The following GRK6 variants were observed in gnomAD, a reference collection of about 807,000 sequenced individuals.
GRK6 encodes the protein G protein-coupled receptor kinase 6.
GRK6 carries 37 observed loss-of-function variants against 80.8 expected under a neutral mutation model. The observed-to-expected ratio is 0.46, with a 90% confidence interval of 0.35 to 0.60. The LOEUF is 0.60. Among genes scored for constraint, GRK6 ranks in the 20% least tolerant of loss-of-function variants. The pLI is 0.00. For missense variants in GRK6, 560 were observed against 784.6 expected (o/e 0.71, Z 3.42); for synonymous variants, 295 against 320.9 (o/e 0.92, Z 0.86).
intron 4 of GRK6, 69 bp from the exon 5 acceptor site, chr5:177,432,637 C>T: frequency 8.9e-7 from 1 of 1,117,504 alleles, no homozygotes. Flanking sequence ...TTGCCTGACC[C>T]CTCTCCCCTG....
At chr5:177,434,835 G>A (rs1764070251) in intron 9 of GRK6, 67 bp from the exon 10 acceptor site, 2 of 1,586,242 alleles carry the variant, frequency 1.3e-6, no homozygotes, top group Admixed American at 3.3e-5. Context: ...GTGAGCTGGG[G>A]GGGCTGGCCC....
chr5:177,433,986 C>A lies in GRK6; in HGVS notation c.811C>A (p.Leu271Ile), dbSNP rs985885225. The A allele has an allele frequency of 2.5e-6, 4 of 1,612,948 alleles. No individual in the cohort carries two copies. Among genetic ancestry groups the A allele is most frequent in the Non-Finnish European group, 2.5e-6 (3 of 1,179,440 alleles). Reference sequence around the variant, plus strand: ...GCTGACACTGATGAACGGGGGCGACCTCAAGTTCCACATCTACCACATGGG... The same window carrying A: ...GCTGACACTGATGAACGGGGGCGACATCAAGTTCCACATCTACCACATGGG... The part of the protein sequence containing the change: ...LVLTLMNGGD[L>I]KFHIYHMGQA... The change falls in exon 9 of 16, where the codon CTC becomes ATC. Residue 271 changes from leucine (L) to isoleucine (I), a missense_variant. Physicochemically the swap from Leu to Ile is conservative, Grantham distance 5. Coordinates refer to ENST00000355472, the MANE Select transcript of GRK6 (RefSeq NM_001004106.3).
intron 11 of GRK6, 68 bp from the exon 12 acceptor site, chr5:177,436,005 C>A: frequency 7.3e-7 from 1 of 1,368,086 alleles, no homozygotes; most frequent in African/African-American, 1.4e-5. Context: ...CGTGCACTGG[C>A]GTTCCTGGGG....
chr5:177,432,461 A>G, intron 4 of GRK6, 151 bp downstream of exon 4: 1 of 887,952 alleles, frequency 1.1e-6, no homozygotes. Context: ...GAGCTGCTCC[A>G]GGCAGCACGG....
Position 177,431,616 on chromosome 5 carries a change from G to A in GRK6, c.149-379G>A, listed in dbSNP as rs117616665. The A allele has an allele frequency of 1.7e-3, 455 of 264,800 alleles. 8 individuals are homozygous for A. In the East Asian group the frequency reaches 0.037, roughly 22 times the overall value. The allele number at this position is 264,800 out of a possible 1,614,324, so 16.4% of individuals were successfully genotyped here. A position where few individuals can be genotyped will look rare whatever the true frequency, so the allele number is the denominator to read the frequency against. On this transcript the variant is annotated intron_variant, in intron 2 of 15. Transcript: ENST00000355472. ...AGCCACAGCTTCCTCTCGCACTTTC[G>A]CCAGGCAGGCAGCAGGTGTGGGCCT... is the stretch of plus-strand genomic sequence containing the variant.
intron 13 of GRK6, among the ~76,000 whole-genome samples, chr5:177,437,756 C>T (rs1764230717): frequency 6.6e-6 from 1 of 152,208 alleles, no homozygotes; most frequent in Non-Finnish European, 1.5e-5. Flanking sequence ...GTGTGACAGT[C>T]ATAGGGAAGG....
intron 1 of GRK6, 174 bp from the exon 2 acceptor site, chr5:177,430,698 G>A (rs138860965): frequency 1.5e-5 from 9 of 611,828 alleles, no homozygotes; most frequent in Admixed American, 5.9e-5. Flanking sequence ...GGAGAAGCAC[G>A]TGTGTCCTGG....
intron 9 of GRK6, among the ~76,000 whole-genome samples, chr5:177,434,341 C>T (rs1319861501): frequency 6.6e-6 from 1 of 152,194 alleles, no homozygotes; most frequent in Non-Finnish European, 1.5e-5. Context: ...CACCCCCCAC[C>T]GTGTGACCTT....
At chr5:177,431,858 G>C (rs1043624608) in intron 2 of GRK6, 137 bp from the exon 3 acceptor site, 2 of 765,624 alleles carry the variant, frequency 2.6e-6, no homozygotes, top group African/African-American at 1.7e-5. Flanking sequence ...TTGTGGTGAG[G>C]GTTCTGAAGA....
At chr5:177,435,599 G>T (rs1764106029) in intron 11 of GRK6, among the ~76,000 whole-genome samples, 1 of 152,222 alleles carries the variant, frequency 6.6e-6, no homozygotes. Flanking sequence ...CTGCTCCACT[G>T]GAAAACACTC....
upstream of GRK6, among the ~76,000 whole-genome samples, chr5:177,426,253 G>T (rs1188585162): frequency 6.6e-6 from 1 of 152,222 alleles, no homozygotes; most frequent in Non-Finnish European, 1.5e-5. Flanking sequence ...AGCCGTCTGC[G>T]AGCCAAAGGC....
chr5:177,432,885 C>A, intron 5 of GRK6, 79 bp downstream of exon 5: 1 of 1,182,842 alleles, frequency 8.5e-7, no homozygotes, highest in Non-Finnish European at 1.2e-6. Context: ...CTGTGAACAG[C>A]TCGGTGGCTG....
rs565393986 is a variant in GRK6, at chr5:177,432,325, A to G, written c.339+15A>G. 4 of 1,610,798 alleles carry G rather than the reference A, an allele frequency of 2.5e-6. No individual in the cohort carries two copies. The highest frequency in any genetic ancestry group is 3.4e-6 in the Non-Finnish European group (4 of 1,178,792). ...TGAGCCACACGGTGAGTGAGCAGCGATGGAGAGATGATGGGAGCCACCAGA... is the reference window on the plus strand; with the variant it reads ...TGAGCCACACGGTGAGTGAGCAGCGGTGGAGAGATGATGGGAGCCACCAGA... On this transcript the variant is annotated intron_variant, in intron 4 of 15. Transcript: ENST00000355472.
chr5:177,436,334 T>TTCCACC, intron 12 of GRK6, 53 bp downstream of exon 12: 1 of 1,556,034 alleles, frequency 6.4e-7, no homozygotes, highest in Non-Finnish European at 8.8e-7. Flanking sequence ...GATGCACCTT[T>TTCCACC]CCCTCCCTCC....
At chr5:177,438,623 G>A (rs1008171026) in intron 13 of GRK6, 3 of 152,330 alleles carry the variant, frequency 2.0e-5, no homozygotes, top group South Asian at 4.1e-4. Flanking sequence ...GAGTGAGCCC[G>A]TGCAGGCAAA....
chr5:177,438,271 G>A (rs1178962531), intron 13 of GRK6, among the ~76,000 whole-genome samples: 4 of 152,150 alleles, frequency 2.6e-5, no homozygotes, highest in Non-Finnish European at 1.5e-5. Context: ...GGCAGACTGA[G>A]GCAGGAGAAT....
rs146425899 is a variant in GRK6, at chr5:177,433,150, G to A, written c.444G>A (p.Leu148=). Residue 148 remains leucine, a synonymous_variant, in exon 6 of 16, where the codon CTG becomes CTA. Coordinates refer to ENST00000355472, the MANE Select transcript of GRK6 (RefSeq NM_001004106.3). ...TGGGCCTGCCTTTCCTCAACAGGCT[G>A]ACCCACGAGTACCTGAGCGTGGCCC... ...CKDLFQELTR[L]THEYLSVAPF... 104 of 1,613,508 alleles carry A rather than the reference G, an allele frequency of 6.4e-5. No homozygotes were observed. The African/African-American group carries it at 1.3e-3, about 20-fold the overall frequency.
chr5:177,439,256 C>T (rs1038594838), intron 13 of GRK6, among the ~76,000 whole-genome samples: 5 of 152,100 alleles, frequency 3.3e-5, no homozygotes, highest in Admixed American at 2.0e-4. Context: ...GTGTACAATT[C>T]GGCTGGGCGT....
At chr5:177,431,615 C>T (rs1294801488) in intron 2 of GRK6, 4 of 267,232 alleles carry the variant, frequency 1.5e-5, no homozygotes, top group African/African-American at 2.3e-5. Context: ...CTCGCACTTT[C>T]GCCAGGCAGG....
Sources: gnomAD v4.1 joint callset for allele counts (sites outside exome capture counted in the v4.1 genomes callset) on GRCh38, gnomAD v4.1.1 for gene constraint, MANE v1.5 for transcripts, NCBI Gene and HGNC (gene_info 2026-07-23, HGNC 2026-07-21) for gene names.